Variants in GRIA4 observed in about 807,000 individuals in gnomAD.
The protein encoded by GRIA4 is glutamate ionotropic receptor AMPA type subunit 4.
In GRIA4, 34 loss-of-function variants were observed where a neutral mutation model predicts 104.0. The observed-to-expected ratio is 0.33, with a 90% CI of 0.25 to 0.44. The LOEUF (loss-of-function observed/expected upper bound fraction) is 0.44. Among genes scored for constraint, GRIA4 ranks in the 20% least tolerant of loss-of-function variants. GRIA4 has a pLI of 1.00. For missense variants in GRIA4, 750 were observed against 1,096.5 expected (o/e 0.68, Z 4.46); for synonymous variants, 386 against 381.9 (o/e 1.01, Z -0.13).
chr11:105,862,043 T>C lies in GRIA4; in HGVS notation c.507T>C (p.Ala169=). The part of the protein sequence containing the change: ...DTDRGYSILQ[A]IMEKAGQNGW... Reference sequence around the variant, plus strand: ...CAATAGGATACTCGATACTCCAAGCTATTATGGAAAAAGCAGGACAAAATG... The same window carrying C: ...CAATAGGATACTCGATACTCCAAGCCATTATGGAAAAAGCAGGACAAAATG... The change falls in exon 5 of 17, where the codon GCT becomes GCC. Residue 169 remains alanine, a synonymous_variant. Transcript: ENST00000282499. 6.2e-7 allele frequency: 1 copy of C among 1,611,050 alleles called. No homozygotes were observed. Among genetic ancestry groups the C allele is most frequent in the East Asian group, 2.2e-5 (1 of 44,802 alleles).
rs534386412 is a variant in GRIA4, at chr11:105,811,105, TC to T, written c.488-50916del. Among the ~76,000 whole-genome samples the T allele has an allele frequency of 1.4e-3, 207 of 152,182 alleles. 1 individual carries two copies. Among genetic ancestry groups the T allele is most frequent in the African/African-American group, 4.8e-3 (201 of 41,530 alleles). On this transcript the variant is annotated intron_variant, in intron 4 of 16. Coordinates refer to ENST00000282499, the MANE Select transcript of GRIA4 (RefSeq NM_000829.4). ...ATTTTTACCACAGCACAATTCCCCT[TC>T]CCTCAGTTATAAAATTAACCATGCA...
In GRIA4 at chr11:105,809,496, C is replaced by T. The variant is rs192106932; in HGVS notation, c.488-52528C>T. ...ATCTCATCTCGAATTGTAATTCTCA[C>T]ATGTCAAAGGAGGGACTTGTAATCC... On this transcript the variant is annotated intron_variant, in intron 4 of 16. Coordinates refer to ENST00000282499, the MANE Select transcript of GRIA4 (RefSeq NM_000829.4). Among the ~76,000 whole-genome samples, 202 of 152,230 alleles carry T rather than the reference C, an allele frequency of 1.3e-3. No homozygotes were observed. The Middle Eastern group carries it at 0.014, about 10-fold the overall frequency.
chr11:105,920,745 T>A (rs1412939938), intron 11 of GRIA4, among the ~76,000 whole-genome samples: 1 of 152,164 alleles, frequency 6.6e-6, no homozygotes, highest in Non-Finnish European at 1.5e-5. Flanking sequence ...ATAATGGTTA[T>A]TAATATTATA....
rs962653409 is a variant in GRIA4, at chr11:105,616,502, AT to A, written c.247+4069del. ...GTAGGCTCTGCAGGATTTTCCACTT[AT>A]AAAGTAGGTACTTAATAAAAACTCA... On this transcript the variant is annotated intron_variant, in intron 3 of 16. Coordinates refer to ENST00000282499, the MANE Select transcript of GRIA4 (RefSeq NM_000829.4). 1.0e-3 allele frequency among the ~76,000 whole-genome samples: 154 copies of A among 151,910 alleles called. 1 individual carries two copies. The highest frequency in any genetic ancestry group is 3.5e-3 in the African/African-American group (147 of 41,546).
intron 3 of GRIA4, among the ~76,000 whole-genome samples, chr11:105,705,453 C>G (rs1420717258): frequency 6.6e-6 from 1 of 152,010 alleles, no homozygotes; most frequent in Non-Finnish European, 1.5e-5. Context: ...TAAAACAACA[C>G]CATAAATAAA....
At chr11:105,794,339 C>A (rs1468213778) in intron 4 of GRIA4, among the ~76,000 whole-genome samples, 6 of 149,488 alleles carry the variant, frequency 4.0e-5, no homozygotes, top group Admixed American at 2.7e-4. Context: ...CCCTGTGATA[C>A]AGGGTTTTTG....
At chr11:105,966,115 A>G in intron 14 of GRIA4, 1 of 1,219,422 alleles carries the variant, frequency 8.2e-7, no homozygotes, top group East Asian at 2.3e-5. Context: ...TAATAGGTGC[A>G]TCTGCTGGGA....
At chr11:105,771,771 G>C (rs1941217770) in intron 4 of GRIA4, among the ~76,000 whole-genome samples, 1 of 151,790 alleles carries the variant, frequency 6.6e-6, no homozygotes, top group African/African-American at 2.4e-5. Flanking sequence ...AAAATTTTTT[G>C]ATTTGTAACA....
At chr11:105,946,661 C>T (rs1457706493) in intron 14 of GRIA4, among the ~76,000 whole-genome samples, 2 of 151,638 alleles carry the variant, frequency 1.3e-5, no homozygotes, top group Admixed American at 1.3e-4. Context: ...GAAAAATAGA[C>T]CATAGGGATT....
At chr11:105,951,915 A>T (rs1027370438) in intron 14 of GRIA4, among the ~76,000 whole-genome samples, 1 of 152,146 alleles carries the variant, frequency 6.6e-6, no homozygotes, top group African/African-American at 2.4e-5. Context: ...GTGAGCCATG[A>T]TCATGCCACT....
At chr11:105,952,540 G>A (rs1948480206) in intron 14 of GRIA4, among the ~76,000 whole-genome samples, 2 of 152,064 alleles carry the variant, frequency 1.3e-5, no homozygotes, top group African/African-American at 4.8e-5. Context: ...AAATCACAAA[G>A]CTCCTTCAAG....
chr11:105,960,398 C>G (rs924510285), intron 14 of GRIA4, among the ~76,000 whole-genome samples: 2 of 152,228 alleles, frequency 1.3e-5, no homozygotes, highest in Non-Finnish European at 1.5e-5. Flanking sequence ...TGGCTGCTGA[C>G]TGCCACAGCC....
chr11:105,777,338 A>T (rs1941494269), intron 4 of GRIA4, among the ~76,000 whole-genome samples: 2 of 152,178 alleles, frequency 1.3e-5, no homozygotes, highest in Non-Finnish European at 1.5e-5. Flanking sequence ...TATATGCTTC[A>T]GTTAGCTAGA....
At chr11:105,924,366 C>A (rs1947649758) in intron 11 of GRIA4, 33 bp from the exon 12 acceptor site, 3 of 1,504,220 alleles carry the variant, frequency 2.0e-6, no homozygotes, top group Non-Finnish European at 2.7e-6. Flanking sequence ...AATTCATTAA[C>A]CTATGTGTCT....
intron 15 of GRIA4, among the ~76,000 whole-genome samples, chr11:105,973,509 C>G (rs1858807117): frequency 6.6e-6 from 1 of 151,764 alleles, no homozygotes; most frequent in South Asian, 2.1e-4. Flanking sequence ...TATTAATGGA[C>G]TAAGCATTTT....
chr11:105,919,386 A>G (rs887947734), intron 11 of GRIA4, among the ~76,000 whole-genome samples: 2 of 152,158 alleles, frequency 1.3e-5, no homozygotes, highest in Non-Finnish European at 2.9e-5. Flanking sequence ...GGCAATCACT[A>G]TATTACTTTA....
chr11:105,811,291 G>C (rs1241656112), intron 4 of GRIA4, among the ~76,000 whole-genome samples: 1 of 152,160 alleles, frequency 6.6e-6, no homozygotes, highest in Non-Finnish European at 1.5e-5. Flanking sequence ...GACTATAGAA[G>C]AGATATAAAT....
At chr11:105,885,041 A>C (rs949133443) in intron 5 of GRIA4, among the ~76,000 whole-genome samples, 3 of 152,202 alleles carry the variant, frequency 2.0e-5, no homozygotes, top group African/African-American at 7.2e-5. Flanking sequence ...ACGTATAGTG[A>C]ATCAGCAAGA....
At chr11:105,644,437 C>CA (rs5794415) in intron 3 of GRIA4, among the ~76,000 whole-genome samples, 8,468 of 123,818 alleles carry the variant, frequency 0.068, 278 homozygotes, top group African/African-American at 0.081. Context: ...ACTAAAGATA[C>CA]AAAAAAAAAA....
Sources: gnomAD v4.1 joint callset for allele counts (sites outside exome capture counted in the v4.1 genomes callset) on GRCh38, gnomAD v4.1.1 for gene constraint, MANE v1.5 for transcripts, NCBI Gene and HGNC (gene_info 2026-07-23, HGNC 2026-07-21) for gene names.